Variants in DUXA observed in about 807,000 individuals in gnomAD.
The protein encoded by DUXA is double homeobox protein A.
In DUXA, 25 loss-of-function variants were observed where a neutral mutation model predicts 27.5. The observed-to-expected ratio is 0.91, with a 90% confidence interval of 0.66 to 1.27. The LOEUF is 1.27. Ranked by LOEUF, DUXA falls within the 50% of genes most tolerant of loss-of-function variation. The probability of loss-of-function intolerance (pLI) is 0.00; values close to 1 mark genes in which losing one functional copy is unlikely to be tolerated. For synonymous variants in DUXA, 90 were observed against 80.5 expected, an observed-to-expected ratio of 1.12 and a Z score of -0.63; for missense variants, 247 against 242.9, an observed-to-expected ratio of 1.02 and a Z score of -0.11.
At chr19:57,161,061 G>A (rs1351611716) in intron 1 of DUXA, among the ~76,000 whole-genome samples, 2 of 151,754 alleles carry the variant, frequency 1.3e-5, no homozygotes, top group Admixed American at 6.6e-5. Flanking sequence ...CATGGTGGTT[G>A]ACGCCTGTAA....
At chr19:57,155,074 C>A (rs1169041623) in intron 5 of DUXA, among the ~76,000 whole-genome samples, 193 bp downstream of exon 5, 1 of 152,154 alleles carries the variant, frequency 6.6e-6, no homozygotes, top group Non-Finnish European at 1.5e-5. Context: ...GGAAAGTGGG[C>A]AGTGGATTCT....
chr19:57,158,866 C>A (rs973214426), intron 3 of DUXA, among the ~76,000 whole-genome samples: 2 of 152,142 alleles, frequency 1.3e-5, no homozygotes, highest in Non-Finnish European at 2.9e-5. Context: ...ACCTGTAAAT[C>A]CCAGCTACTT....
At chr19:57,154,847 G>T (rs892437156) in intron 5 of DUXA, among the ~76,000 whole-genome samples, 2 of 152,188 alleles carry the variant, frequency 1.3e-5, no homozygotes, top group Non-Finnish European at 2.9e-5. Context: ...ACAGGCGTGA[G>T]CCTCCATGCC....
chr19:57,155,472 G>A (rs12459119), intron 4 of DUXA, 100 bp from the exon 5 acceptor site: 449,268 of 902,748 alleles, frequency 0.5, 115,731 homozygotes, highest in Non-Finnish European at 0.53. Context: ...TTGAGACAGC[G>A]GTCTCTCTCA....
At chr19:57,165,962 G>T (rs1448423599) in intron 1 of DUXA, among the ~76,000 whole-genome samples, 1 of 152,074 alleles carries the variant, frequency 6.6e-6, no homozygotes, top group African/African-American at 2.4e-5. Context: ...GACTCAAGTG[G>T]CAAGAGTAGA....
At chr19:57,167,393 G>C (rs1298167220) in intron 1 of DUXA, 26 bp downstream of exon 1, 1 of 1,612,700 alleles carries the variant, frequency 6.2e-7, no homozygotes, top group East Asian at 2.2e-5. Flanking sequence ...ACCAACAAAA[G>C]CTCAGTCAAG....
chr19:57,165,137 C>T (rs920150413), intron 1 of DUXA, among the ~76,000 whole-genome samples: 5 of 151,752 alleles, frequency 3.3e-5, no homozygotes, highest in African/African-American at 1.2e-4. Context: ...ATCTTCTATT[C>T]TTCCGTATAT....
chr19:57,158,709 C>G (rs770971175), intron 3 of DUXA, among the ~76,000 whole-genome samples: 1 of 152,130 alleles, frequency 6.6e-6, no homozygotes, highest in African/African-American at 2.4e-5. Flanking sequence ...AGAGGCCGGG[C>G]GCGGTGGCTC....
intron 5 of DUXA, among the ~76,000 whole-genome samples, chr19:57,154,938 C>G (rs1599929181): frequency 6.6e-6 from 1 of 152,246 alleles, no homozygotes; most frequent in Admixed American, 6.5e-5. Context: ...GCAGACCACA[C>G]CTGAGGATTC....
At chr19:57,156,502 A>G (rs1478241007) in intron 4 of DUXA, among the ~76,000 whole-genome samples, 2 of 152,118 alleles carry the variant, frequency 1.3e-5, no homozygotes, top group Non-Finnish European at 2.9e-5. Flanking sequence ...CCTGGGCTCA[A>G]GTGATGCTCC....
chr19:57,158,192 CCAGCAGA>C, intron 4 of DUXA, 129 bp downstream of exon 4: 2 of 994,566 alleles, frequency 2.0e-6, no homozygotes, highest in Non-Finnish European at 3.0e-6. Flanking sequence ...GGGGTAGAAG[CCAGCAGA>C]CAGGGAACAG....
intron 1 of DUXA, among the ~76,000 whole-genome samples, chr19:57,163,513 G>A (rs1471606841): frequency 2.0e-5 from 3 of 151,472 alleles, no homozygotes; most frequent in East Asian, 1.9e-4. Flanking sequence ...GCACAATATC[G>A]GCTCACTGCA....
At chr19:57,159,889 T>A (rs1239289886) in intron 2 of DUXA, among the ~76,000 whole-genome samples, 2 of 150,930 alleles carry the variant, frequency 1.3e-5, no homozygotes, top group South Asian at 2.1e-4. Flanking sequence ...GATCACGAGG[T>A]CAGGAGTTCA....
At chr19:57,156,059 T>C (rs922538526) in intron 4 of DUXA, among the ~76,000 whole-genome samples, 12 of 152,178 alleles carry the variant, frequency 7.9e-5, no homozygotes, top group African/African-American at 2.7e-4. Context: ...AGTCCCTTTG[T>C]GATAGGTTTT....
intron 4 of DUXA, among the ~76,000 whole-genome samples, chr19:57,157,621 G>A (rs559480411): frequency 6.6e-6 from 1 of 151,420 alleles, no homozygotes; most frequent in Non-Finnish European, 1.5e-5. Flanking sequence ...GTGAGCCACC[G>A]CACCCAGCCT....
At chr19:57,154,930 A>C (rs2086984852) in intron 5 of DUXA, among the ~76,000 whole-genome samples, 1 of 152,202 alleles carries the variant, frequency 6.6e-6, no homozygotes, top group Non-Finnish European at 1.5e-5. Flanking sequence ...TGCCCCTGGC[A>C]GACCACACCT....
chr19:57,159,272 A>T lies in DUXA; in HGVS notation c.187T>A (p.Phe63Ile). Residue 63 changes from phenylalanine (F) to isoleucine (I), a missense_variant, in exon 3 of 6, where the codon TTT (phenylalanine) becomes ATT (isoleucine). Physicochemically the swap from Phe to Ile is conservative, Grantham distance 21. Transcript: ENST00000554048. ...CCGTGCCTAGCTCTTCGATTCTGAA[A>T]CCAAATCTAAGTGAGGAAAAGAAAA... ...NTEESRIQIWFQNRRARHGFQ... is the reference protein window; with the variant it reads ...NTEESRIQIWIQNRRARHGFQ... 3 of 1,613,478 alleles carry T rather than the reference A, an allele frequency of 1.9e-6. No individual in the cohort carries two copies. The highest frequency in any genetic ancestry group is 2.5e-6 in the Non-Finnish European group (3 of 1,179,772).
At chr19:57,162,594 G>C (rs1377432039) in intron 1 of DUXA, among the ~76,000 whole-genome samples, 1 of 151,620 alleles carries the variant, frequency 6.6e-6, no homozygotes, top group Non-Finnish European at 1.5e-5. Flanking sequence ...TGTTTTTTGA[G>C]ATGGAGTTTC....
At chr19:57,161,566 T>G (rs1395134247) in intron 1 of DUXA, among the ~76,000 whole-genome samples, 1 of 150,438 alleles carries the variant, frequency 6.6e-6, no homozygotes, top group African/African-American at 2.5e-5. Context: ...GAGCTTGCAG[T>G]GAGCCGAGAT....
Sources: gnomAD v4.1 joint callset for allele counts (sites outside exome capture counted in the v4.1 genomes callset) on GRCh38, gnomAD v4.1.1 for gene constraint, MANE v1.5 for transcripts, NCBI Gene and HGNC (gene_info 2026-07-23, HGNC 2026-07-21) for gene names.